Variants in OR13G1 observed in about 807,000 individuals in gnomAD.
The protein encoded by OR13G1 is olfactory receptor family 13 subfamily G member 1, also known as olfactory receptor 13G1.
For missense variants in OR13G1, 369 were observed against 385.7 expected (o/e 0.96, Z 0.36); for synonymous variants, 128 against 136.2 (o/e 0.94, Z 0.42).
chr1:247,672,118 C>G lies in OR13G1; in HGVS notation c.924G>C (p.Ter308TyrextTer1), dbSNP rs750864066. ...GAAGTGATGTTGCATGTTGAAACTA[C>G]TAGTGTTTCAGAAATGCAAACACCT... The part of the protein sequence containing the change: ...IRKVFAFLKH[*>Y] The change falls in exon 2 of 2, where the codon TAG becomes TAC. Residue 308 changes from the stop codon to tyrosine (Y), a stop_lost. Transcript: ENST00000642119. 6.2e-7 allele frequency: 1 copy of G among 1,608,756 alleles called. No individual in the cohort carries two copies.
rs147413805 is a variant in OR13G1 at position 247,672,928 on chromosome 1, G to C, written c.114C>G (p.Gly38=). 1.2e-6 allele frequency: 2 copies of C among 1,613,944 alleles called. No individual in the cohort carries two copies. The highest frequency in any genetic ancestry group is 2.7e-5 in the African/African-American group (2 of 74,924). The change falls in exon 2 of 2, where the codon GGC becomes GGG. Residue 38 remains glycine, a synonymous_variant. Transcript: ENST00000642119. ...FLIVYLVAFL[G]NMLIIIAKIY... The stretch of plus-strand genomic sequence containing the variant: ...TTTTGGCAATGATGATGAGCATGTT[G>C]CCGAGAAAAGCCACAAGATAGACAA...
Position 247,672,259 on chromosome 1 carries a change from G to A in OR13G1, c.783C>T (p.Ser261=), listed in dbSNP as rs1409943861. ...CCTTGTCTCTTTCAAATGTATAGCT[G>A]GAAGCAGGGCGGATATAGGTGTAGA... ...PVIYTYIRPA[S]SYTFERDKVV... is the part of the protein sequence containing the mutation. The change falls in exon 2 of 2, where the codon TCC becomes TCT. Residue 261 remains serine (S), a synonymous_variant. Coordinates refer to ENST00000642119, the MANE Select transcript of OR13G1 (RefSeq NM_001005487.2). 2 of 1,614,098 alleles carry A rather than the reference G, an allele frequency of 1.2e-6. No individual in the cohort carries two copies. Among genetic ancestry groups the A allele is most frequent in the South Asian group, 2.2e-5 (2 of 91,072 alleles).
intron 1 of OR13G1, 69 bp from the exon 2 acceptor site, chr1:247,673,348 TA>T: frequency 3.1e-6 from 1 of 324,410 alleles, no homozygotes; most frequent in South Asian, 4.0e-5. Context: ...CATTTTCACT[TA>T]AAACTTGTCT....
chr1:247,675,805 C>T (rs767542278), intron 1 of OR13G1, among the ~76,000 whole-genome samples: 7 of 152,136 alleles, frequency 4.6e-5, no homozygotes, highest in Non-Finnish European at 8.8e-5. Context: ...TTGCATGCTA[C>T]TGTAGGCTCC....
chr1:247,672,870 C>G lies in OR13G1; in HGVS notation c.172G>C (p.Val58Leu). 1 of 1,614,046 alleles carries G rather than the reference C, an allele frequency of 6.2e-7. No homozygotes were observed. The highest frequency in any genetic ancestry group is 8.5e-7 in the Non-Finnish European group (1 of 1,180,000). The change falls in exon 2 of 2, where the codon GTT becomes CTT. Residue 58 changes from valine (V) to leucine (L), a missense_variant. Val to Leu is a conservative substitution (Grantham distance 32). Coordinates refer to ENST00000642119, the MANE Select transcript of OR13G1 (RefSeq NM_001005487.2). ...YNNTLHTPMY[V>L]FLLTLAVVDI... ...ACAACAGCCAGTGTCAGAAGGAAAA[C>G]ATACATGGGCGTATGCAAGGTGTTG...
chr1:247,675,269 A>T (rs1188548999), intron 1 of OR13G1, among the ~76,000 whole-genome samples: 1 of 151,996 alleles, frequency 6.6e-6, no homozygotes, highest in Non-Finnish European at 1.5e-5. Context: ...TTCTTGGAGA[A>T]CTGTCACTTA....
chr1:247,673,666 G>A (rs931640759), intron 1 of OR13G1, among the ~76,000 whole-genome samples: 2 of 152,108 alleles, frequency 1.3e-5, no homozygotes, highest in Non-Finnish European at 2.9e-5. Context: ...TTAATCAAAT[G>A]TCTGTATTAG....
Position 247,672,302 on chromosome 1 carries a change from AG to A in OR13G1, c.739del (p.Leu247PhefsTer6), listed in dbSNP as rs780861005. On this transcript the variant is annotated frameshift_variant, in exon 2 of 2. Transcript: ENST00000642119. LOFTEE classifies it low-confidence loss of function (END_TRUNC). ...TCSSHLTVVT[L>X]YYSPVIYTYI... Reference sequence around the variant, plus strand: ...GGTGTAGATTACAGGAGAATAGTAAAGGGTCACCACTGTGAGATGAGATGAG... The same window carrying A: ...GGTGTAGATTACAGGAGAATAGTAAAGGTCACCACTGTGAGATGAGATGAG... 3 of 1,613,614 alleles carry A rather than the reference AG, an allele frequency of 1.9e-6. No homozygotes were observed. The highest frequency in any genetic ancestry group is 2.7e-5 in the African/African-American group (2 of 74,838).
Position 247,672,094 on chromosome 1 carries a change from A to G in OR13G1, c.*24T>C. On this transcript the variant is annotated 3_prime_UTR_variant, in exon 2 of 2. Transcript: ENST00000642119. ...TCTAGAAGATGGTTCTGGAGTACAG[A>G]AGTGATGTTGCATGTTGAAACTACT... 1 of 1,580,544 alleles carries G rather than the reference A, an allele frequency of 6.3e-7. No individual in the cohort carries two copies. The highest frequency in any genetic ancestry group is 8.6e-7 in the Non-Finnish European group (1 of 1,156,482).
At chr1:247,677,072 A>G (rs1161582016) in intron 1 of OR13G1, among the ~76,000 whole-genome samples, 1 of 152,146 alleles carries the variant, frequency 6.6e-6, no homozygotes, top group Non-Finnish European at 1.5e-5. Flanking sequence ...AGCCTTGGTA[A>G]CATAGTGAGA....
chr1:247,673,819 G>T (rs552767288), intron 1 of OR13G1, among the ~76,000 whole-genome samples: 1 of 152,022 alleles, frequency 6.6e-6, no homozygotes, highest in Non-Finnish European at 1.5e-5. Flanking sequence ...CTATAGACTG[G>T]CCATTTAAGC....
chr1:247,674,875 G>A (rs186394285), intron 1 of OR13G1, among the ~76,000 whole-genome samples: 11 of 152,190 alleles, frequency 7.2e-5, no homozygotes, highest in Admixed American at 3.9e-4. Context: ...AATATGGCAA[G>A]TGTACACAAA....
At chr1:247,678,034 C>T (rs970992991) in intron 1 of OR13G1, among the ~76,000 whole-genome samples, 17 of 151,980 alleles carry the variant, frequency 1.1e-4, no homozygotes, top group Non-Finnish European at 7.4e-5. Flanking sequence ...ACCTGGGAGG[C>T]GGAGGTTTCA....
chr1:247,672,735 A>G lies in OR13G1; in HGVS notation c.307T>C (p.Trp103Arg), dbSNP rs762737545. 4 of 1,613,964 alleles carry G rather than the reference A, an allele frequency of 2.5e-6. No individual in the cohort carries two copies. The East Asian group carries it at 8.9e-5, about 36-fold the overall frequency. ...GCMSQLFLFT[W>R]SLGAEMVLFT... ...AGAACCATCTCAGCTCCCAGAGACC[A>G]TGTGAACAAGAAGAGCTGGGACATG... Residue 103 changes from tryptophan to arginine, a missense_variant, in exon 2 of 2, where the codon TGG (tryptophan) becomes CGG (arginine). Trp to Arg is a moderately radical substitution (Grantham distance 101, BLOSUM62 -3). Coordinates refer to ENST00000642119, the MANE Select transcript of OR13G1 (RefSeq NM_001005487.2).
chr1:247,678,938 A>G (rs947011944), intron 1 of OR13G1, among the ~76,000 whole-genome samples: 4 of 152,162 alleles, frequency 2.6e-5, no homozygotes, highest in African/African-American at 9.7e-5. Context: ...AGCCAATGCA[A>G]TTCCTGTCTG....
rs28711149 is a variant in OR13G1, at chr1:247,672,905, T to A, written c.137A>T (p.Lys46Ile). The part of the protein sequence containing the change: ...FLGNMLIIIA[K>I]IYNNTLHTPM... ...CGTATGCAAGGTGTTGTTATAGATTTTGGCAATGATGATGAGCATGTTGCC... is the reference window on the plus strand; with the variant it reads ...CGTATGCAAGGTGTTGTTATAGATTATGGCAATGATGATGAGCATGTTGCC... The change falls in exon 2 of 2, where the codon AAA becomes ATA. Residue 46 changes from lysine (K) to isoleucine (I), a missense_variant. Physicochemically the swap from Lys to Ile is moderately radical, Grantham distance 102. Coordinates refer to ENST00000642119, the MANE Select transcript of OR13G1 (RefSeq NM_001005487.2). 564,673 of 1,613,258 alleles carry A rather than the reference T, an allele frequency of 0.35. 100,173 individuals carry two copies. The highest frequency in any genetic ancestry group is 0.41 in the Middle Eastern group (2,473 of 6,060).
intron 1 of OR13G1, among the ~76,000 whole-genome samples, chr1:247,678,591 G>A (rs1205769354): frequency 6.6e-6 from 1 of 152,130 alleles, no homozygotes; most frequent in Non-Finnish European, 1.5e-5. Flanking sequence ...CATCGTTTAA[G>A]GAGAATGTTA....
intron 1 of OR13G1, among the ~76,000 whole-genome samples, chr1:247,676,833 T>A (rs1151661): frequency 0.39 from 59,929 of 152,014 alleles, 12,591 homozygotes; most frequent in East Asian, 0.59. Context: ...CTGCATATCT[T>A]CCCTTATATG....
In OR13G1 at chr1:247,679,714, G is replaced by A. The variant is rs780292741; in HGVS notation, c.-313C>T. The A allele has an allele frequency of 3.9e-5, 6 of 152,118 alleles. No homozygotes were observed. The highest frequency in any genetic ancestry group is 8.8e-5 in the Non-Finnish European group (6 of 68,018). 9.4% of individuals were successfully genotyped at this position (152,118 alleles called of 1,614,324 possible). On this transcript the variant is annotated 5_prime_UTR_variant, in exon 1 of 2. Transcript: ENST00000642119. Reference sequence around the variant, plus strand: ...ATCACTGTAAAAAACTAAAAGTACAGTAGCTCTTGCCAGTTTGCTATCAAA... The same window carrying A: ...ATCACTGTAAAAAACTAAAAGTACAATAGCTCTTGCCAGTTTGCTATCAAA...
Sources: gnomAD v4.1 joint callset for allele counts (sites outside exome capture counted in the v4.1 genomes callset) on GRCh38, gnomAD v4.1.1 for gene constraint, MANE v1.5 for transcripts, NCBI Gene and HGNC (gene_info 2026-07-23, HGNC 2026-07-21) for gene names.